Variants in PODXL observed in about 807,000 individuals in gnomAD.
The protein encoded by PODXL is podocalyxin like.
Under a neutral mutation model 48.9 loss-of-function variants are expected in PODXL, and 20 were observed. The observed-to-expected ratio is 0.41, with a 90% CI of 0.29 to 0.59. PODXL has a LOEUF of 0.59. PODXL is among the 20% of genes least tolerant of loss of function. The probability of loss-of-function intolerance (pLI) is 0.31; values close to 1 mark genes in which losing one functional copy is unlikely to be tolerated. For synonymous variants in PODXL, 295 were observed against 287.4 expected (o/e 1.03, Z -0.27); for missense variants, 606 against 675.1 (o/e 0.90, Z 1.13).
intron 1 of PODXL, among the ~76,000 whole-genome samples, chr7:131,540,390 G>A (rs536019492): frequency 1.3e-5 from 2 of 152,002 alleles, no homozygotes; most frequent in Admixed American, 6.6e-5. Context: ...ACTAGCCCAG[G>A]GAAGGCCCCA....
chr7:131,536,697 T>C lies in PODXL; in HGVS notation c.100+19563A>G, dbSNP rs77372452. On this transcript the variant is annotated intron_variant, in intron 1 of 8. Transcript: ENST00000378555. ...TCACCTGAACTGCCTGTCTGGAGCC[T>C]GGTGTTTTCATCCTTCAGTGCCGCT... Among the ~76,000 whole-genome samples the C allele has an allele frequency of 8.2e-4, 125 of 152,308 alleles. 2 individuals are homozygous for C. The East Asian group carries it at 0.022, about 27-fold the overall frequency.
chr7:131,543,280 C>CTGTA (rs1798512639), intron 1 of PODXL, among the ~76,000 whole-genome samples: 1 of 152,030 alleles, frequency 6.6e-6, no homozygotes, highest in African/African-American at 2.4e-5. Context: ...TCCATACCAC[C>CTGTA]ATGCTTGACT....
intron 1 of PODXL, among the ~76,000 whole-genome samples, chr7:131,531,328 C>A (rs962304523): frequency 2.6e-5 from 4 of 152,162 alleles, no homozygotes; most frequent in Non-Finnish European, 5.9e-5. Context: ...CTGCAAGGTG[C>A]CAACCAGATG....
Position 131,500,952 on chromosome 7 carries a change from A to ATCTT in PODXL, c.*3355_*3358dup, listed in dbSNP as rs1797690592. 1 of 152,190 alleles carries ATCTT rather than the reference A, an allele frequency of 6.6e-6. No individual in the cohort carries two copies. The highest frequency in any genetic ancestry group is 1.5e-5 in the Non-Finnish European group (1 of 68,028). The allele number at this position is 152,190 out of a possible 1,614,324, so 9.4% of individuals were successfully genotyped here. A position where few individuals can be genotyped will look rare whatever the true frequency, so the allele number is the denominator to read the frequency against. On this transcript the variant is annotated 3_prime_UTR_variant, in exon 9 of 9. Coordinates refer to ENST00000378555, the MANE Select transcript of PODXL (RefSeq NM_001018111.3). ...ACTTCATCTTTGTGAGCTTCAGATT[A>ATCTT]TCTTTTTCTCTAGAAAAAGATTGGA...
chr7:131,510,435 C>T (rs917548569), intron 2 of PODXL, 104 bp from the exon 3 acceptor site: 12 of 272,524 alleles, frequency 4.4e-5, no homozygotes, highest in African/African-American at 1.9e-4. Flanking sequence ...TGCTTGAACC[C>T]GGAGGTGGAG....
intron 1 of PODXL, among the ~76,000 whole-genome samples, chr7:131,528,176 G>A (rs959949536): frequency 6.6e-6 from 1 of 152,138 alleles, no homozygotes. Flanking sequence ...GATTTCAGGC[G>A]TGAGCCACCG....
intron 1 of PODXL, among the ~76,000 whole-genome samples, chr7:131,529,545 G>A (rs1222186791): frequency 2.6e-5 from 4 of 151,948 alleles, no homozygotes; most frequent in Admixed American, 1.3e-4. Context: ...CTCTGGCCTG[G>A]ACACCAGTAT....
chr7:131,503,428 TGCCAGGGGCAATGG>T lies in PODXL; in HGVS notation c.*869_*882del, dbSNP rs1273130869. ...GATCGTGGGTGGCCTCTGCAAGGAG[TGCCAGGGGCAATGG>T]GCCAGTGTTCCTGCTGACCCCTCAT... On this transcript the variant is annotated 3_prime_UTR_variant, in exon 9 of 9. Coordinates refer to ENST00000378555, the MANE Select transcript of PODXL (RefSeq NM_001018111.3). 6.6e-6 allele frequency: 1 copy of T among 152,018 alleles called. No individual in the cohort carries two copies. The highest frequency in any genetic ancestry group is 2.4e-5 in the African/African-American group (1 of 41,348). The allele number at this position is 152,018 out of a possible 1,614,324, so 9.4% of individuals were successfully genotyped here.
At chr7:131,544,659 G>C (rs903609365) in intron 1 of PODXL, among the ~76,000 whole-genome samples, 2 of 136,256 alleles carry the variant, frequency 1.5e-5, no homozygotes, top group African/African-American at 7.4e-5. Flanking sequence ...CCTGTACTAC[G>C]CACGCACGCC....
At chr7:131,554,775 G>A (rs972548273) in intron 1 of PODXL, among the ~76,000 whole-genome samples, 1 of 152,238 alleles carries the variant, frequency 6.6e-6, no homozygotes, top group South Asian at 2.1e-4. Context: ...CGCCCTTCTG[G>A]GTGGTTCTAA....
intron 1 of PODXL, among the ~76,000 whole-genome samples, chr7:131,542,204 T>C (rs570997406): frequency 6.6e-6 from 1 of 152,350 alleles, no homozygotes; most frequent in East Asian, 1.9e-4. Context: ...GCACCGTCTC[T>C]TGCCCCCTGG....
intron 1 of PODXL, among the ~76,000 whole-genome samples, chr7:131,521,874 G>A (rs914792559): frequency 1.3e-5 from 2 of 152,224 alleles, no homozygotes; most frequent in African/African-American, 4.8e-5. Flanking sequence ...GGGCAGGAAA[G>A]AAGCCTTTCA....
intron 1 of PODXL, among the ~76,000 whole-genome samples, chr7:131,542,721 G>A (rs1170637274): frequency 6.6e-6 from 1 of 152,012 alleles, no homozygotes; most frequent in African/African-American, 2.4e-5. Flanking sequence ...GCCTCAAGAC[G>A]TGACTCTAGG....
chr7:131,528,995 G>C (rs1798231017), intron 1 of PODXL, among the ~76,000 whole-genome samples: 1 of 152,130 alleles, frequency 6.6e-6, no homozygotes, highest in African/African-American at 2.4e-5. Context: ...GTGATACAAG[G>C]AGGAAATGCT....
chr7:131,543,757 A>C (rs113556045), intron 1 of PODXL, among the ~76,000 whole-genome samples: 7,526 of 152,170 alleles, frequency 0.049, 256 homozygotes, highest in Middle Eastern at 0.099. Flanking sequence ...AGGCCAGCAA[A>C]ACACGAAGAG....
chr7:131,500,952 A>G lies in PODXL; in HGVS notation c.*3359T>C, dbSNP rs576658325. 4 of 152,308 alleles carry G rather than the reference A, an allele frequency of 2.6e-5. No homozygotes were observed. The South Asian group carries it at 8.3e-4, about 32-fold the overall frequency. 9.4% of individuals were successfully genotyped at this position (152,308 alleles called of 1,614,324 possible). A position where few individuals can be genotyped will look rare whatever the true frequency, so the allele number is the denominator to read the frequency against. On this transcript the variant is annotated 3_prime_UTR_variant, in exon 9 of 9. Coordinates refer to ENST00000378555, the MANE Select transcript of PODXL (RefSeq NM_001018111.3). ...ACTTCATCTTTGTGAGCTTCAGATT[A>G]TCTTTTTCTCTAGAAAAAGATTGGA...
intron 1 of PODXL, among the ~76,000 whole-genome samples, chr7:131,523,392 AACC>A (rs995067222): frequency 1.3e-5 from 2 of 152,148 alleles, no homozygotes; most frequent in Non-Finnish European, 2.9e-5. Flanking sequence ...AAATAAGAAA[AACC>A]ATATGAGCCG....
chr7:131,515,514 G>T (rs1352021462), intron 1 of PODXL, among the ~76,000 whole-genome samples: 1 of 152,016 alleles, frequency 6.6e-6, no homozygotes, highest in African/African-American at 2.4e-5. Context: ...CAATTCTCCT[G>T]CCTCAGCCTC....
intron 5 of PODXL, 200 bp from the exon 6 acceptor site, chr7:131,506,926 C>T (rs940632038): frequency 5.0e-6 from 3 of 604,874 alleles, no homozygotes; most frequent in Admixed American, 2.9e-5. Flanking sequence ...GTTCCTGCCT[C>T]CTCTGTCTCG....
Sources: gnomAD v4.1 joint callset for allele counts (sites outside exome capture counted in the v4.1 genomes callset) on GRCh38, gnomAD v4.1.1 for gene constraint, MANE v1.5 for transcripts, NCBI Gene and HGNC (gene_info 2026-07-23, HGNC 2026-07-21) for gene names.